The following ABL2 variants were observed in gnomAD, a reference collection of about 807,000 sequenced individuals.
ABL2 encodes ABL proto-oncogene 2, non-receptor tyrosine kinase, also known as tyrosine-protein kinase ABL2.
ABL2 carries 49 observed loss-of-function variants against 107.7 expected under a neutral mutation model. The observed-to-expected ratio is 0.45, with a 90% CI of 0.36 to 0.58. ABL2 has a LOEUF of 0.58. ABL2 is among the 20% of genes least tolerant of loss of function. ABL2 has a pLI of 0.00. For missense variants in ABL2, 1,245 were observed against 1,457.0 expected, an observed-to-expected ratio of 0.85 and a Z score of 2.37; for synonymous variants, 549 against 548.6, an observed-to-expected ratio of 1.00 and a Z score of -0.01.
chr1:179,138,621 T>C (rs1557946599), intron 1 of ABL2, among the ~76,000 whole-genome samples: 3 of 152,154 alleles, frequency 2.0e-5, no homozygotes, highest in South Asian at 4.1e-4. Flanking sequence ...TCTTTTCAAA[T>C]GTTGAGGCCA....
intron 5 of ABL2, among the ~76,000 whole-genome samples, chr1:179,121,008 A>G (rs1655139257): frequency 1.4e-5 from 1 of 71,226 alleles, no homozygotes. Context: ...CTTAAGAAAC[A>G]GAACTGACTA....
At chr1:179,221,793 CAAAA>C (rs34844213) in intron 1 of ABL2, 76 of 188,976 alleles carry the variant, frequency 4.0e-4, no homozygotes, top group African/African-American at 7.0e-4. Flanking sequence ...AGGATTTTAC[CAAAA>C]AAAAAAAAAA....
chr1:179,169,276 C>T (rs1557970959), intron 1 of ABL2, among the ~76,000 whole-genome samples: 1 of 152,188 alleles, frequency 6.6e-6, no homozygotes, highest in Non-Finnish European at 1.5e-5. Flanking sequence ...TGGCCGGGTG[C>T]GGTGGCTCAC....
At chr1:179,130,651 A>C (rs28914524) in intron 3 of ABL2, among the ~76,000 whole-genome samples, 2,173 of 152,058 alleles carry the variant, frequency 0.014, 78 homozygotes, top group African/African-American at 0.05. Context: ...AGAGAGTGGT[A>C]GTTTATTTCC....
chr1:179,213,681 AAT>A (rs1352719366), intron 1 of ABL2, among the ~76,000 whole-genome samples: 2 of 152,148 alleles, frequency 1.3e-5, no homozygotes, highest in African/African-American at 4.8e-5. Flanking sequence ...CAACAGTACC[AAT>A]ATAGGGAGGA....
intron 9 of ABL2, among the ~76,000 whole-genome samples, chr1:179,113,175 A>T (rs953767106): frequency 2.6e-5 from 4 of 152,208 alleles, no homozygotes; most frequent in Middle Eastern, 3.4e-3. Flanking sequence ...CGGCCTCCCA[A>T]ACTGCTAGAA....
chr1:179,131,443 G>T lies in ABL2; in HGVS notation c.259C>A (p.Gln87Lys), dbSNP rs1308100649. ...CACCTGATAGCCTCATTTAGTGCCT[G>T]GGGTTCAACATCACAACCATAGGGA... Reference protein sequence around the residue: ...HRPYGCDVEPQALNEAIRWSS... With the variant: ...HRPYGCDVEPKALNEAIRWSS... Residue 87 changes from glutamine to lysine, a missense_variant, in exon 3 of 12, where the codon CAG becomes AAG. Physicochemically the swap from Gln to Lys is moderately conservative, Grantham distance 53. Transcript: ENST00000502732. 2 of 1,613,932 alleles carry T rather than the reference G, an allele frequency of 1.2e-6. No individual in the cohort carries two copies. The highest frequency in any genetic ancestry group is 1.7e-6 in the Non-Finnish European group (2 of 1,179,960).
In ABL2 at chr1:179,101,521, G is replaced by C. The variant is rs1653090222; in HGVS notation, c.*6197C>G. The C allele has an allele frequency of 2.9e-5, 5 of 174,458 alleles. No homozygotes were observed. Among genetic ancestry groups the C allele is most frequent in the Non-Finnish European group, 6.2e-5 (5 of 80,950 alleles). The allele number at this position is 174,458 out of a possible 1,614,324, so 10.8% of individuals were successfully genotyped here. On this transcript the variant is annotated 3_prime_UTR_variant, in exon 12 of 12. Coordinates refer to ENST00000502732, the MANE Select transcript of ABL2 (RefSeq NM_007314.4). ...CGGGAGTAGCTGGGATTACAGGCAT[G>C]TACTACGCCCGGCTAATTTTTATAT...
Position 179,108,468 on chromosome 1 carries a change from G to C in ABL2, c.2799C>G (p.Val933=). ...LPTTHNHKVP[V]LISPTLKHTP... ...TGTGTTTCAGAGTGGGTGAGATAAG[G>C]ACTGGCACTTTGTGGTTGTGAGTGG... Residue 933 remains valine (V), a synonymous_variant, in exon 12 of 12, where the codon GTC becomes GTG. Coordinates refer to ENST00000502732, the MANE Select transcript of ABL2 (RefSeq NM_007314.4). The C allele has an allele frequency of 6.2e-7, 1 of 1,614,244 alleles. No individual in the cohort carries two copies.
At chr1:179,147,876 C>CTT (rs1157156385) in intron 1 of ABL2, among the ~76,000 whole-genome samples, 2 of 152,134 alleles carry the variant, frequency 1.3e-5, no homozygotes, top group Non-Finnish European at 2.9e-5. Context: ...GAGACCTCAG[C>CTT]TTTTGCAAGA....
intron 1 of ABL2, among the ~76,000 whole-genome samples, chr1:179,165,065 C>T (rs553728844): frequency 6.6e-6 from 1 of 152,254 alleles, no homozygotes; most frequent in African/African-American, 2.4e-5. Context: ...GCTGTACTCA[C>T]CCTTCTTCCA....
intron 1 of ABL2, among the ~76,000 whole-genome samples, chr1:179,207,994 G>A (rs1001627279): frequency 1.3e-4 from 20 of 151,786 alleles, no homozygotes; most frequent in African/African-American, 4.4e-4. Context: ...TATTTTCCTG[G>A]TAATAGCAGT....
In ABL2 at chr1:179,107,423, G is replaced by T. The variant is rs1653540487; in HGVS notation, c.*295C>A. 1 of 384,076 alleles carries T rather than the reference G, an allele frequency of 2.6e-6. No homozygotes were observed. Among genetic ancestry groups the T allele is most frequent in the East Asian group, 4.5e-5 (1 of 22,250 alleles). The allele number at this position is 384,076 out of a possible 1,614,324, so 23.8% of individuals were successfully genotyped here. A position where few individuals can be genotyped will look rare whatever the true frequency, so the allele number is the denominator to read the frequency against. ...AGCACTTCCCAGCATTCCAGGTAGG[G>T]ATGGGCTGCATTGCCTTCCTTATGA... On this transcript the variant is annotated 3_prime_UTR_variant, in exon 12 of 12. Coordinates refer to ENST00000502732, the MANE Select transcript of ABL2 (RefSeq NM_007314.4).
chr1:179,110,719 C>A, intron 10 of ABL2: 1 of 1,607,496 alleles, frequency 6.2e-7, no homozygotes. Context: ...TCCACCTGTT[C>A]TCCTCTTGAT....
At chr1:179,146,272 G>A (rs114201460) in intron 1 of ABL2, among the ~76,000 whole-genome samples, 3 of 152,260 alleles carry the variant, frequency 2.0e-5, no homozygotes, top group East Asian at 1.9e-4. Context: ...AGAACTTAAC[G>A]ATATGGTTTG....
In ABL2 at chr1:179,229,637, G is replaced by GCCGCCA. The variant is rs1663448045; in HGVS notation, c.-241_-240insTGGCGG. 2.1e-6 allele frequency: 1 copy of GCCGCCA among 485,906 alleles called. No individual in the cohort carries two copies. The highest frequency in any genetic ancestry group is 3.6e-6 in the Non-Finnish European group (1 of 280,974). The allele number at this position is 485,906 out of a possible 1,614,324, so 30.1% of individuals were successfully genotyped here. A position where few individuals can be genotyped will look rare whatever the true frequency, so the allele number is the denominator to read the frequency against. ...GTCGCGGCTCCGCGCCCCCAACGCC[G>GCCGCCA]CCGCCGCCGCCGCCGCCACCGCCGC... On this transcript the variant is annotated 5_prime_UTR_variant, in exon 1 of 12. Coordinates refer to ENST00000502732, the MANE Select transcript of ABL2 (RefSeq NM_007314.4).
At position 179,108,993 on chromosome 1, in the gene ABL2, T is replaced by C. The variant is rs202245355; in HGVS notation, c.2274A>G (p.Lys758=). 20 of 1,614,042 alleles carry C rather than the reference T, an allele frequency of 1.2e-5. No homozygotes were observed. Among genetic ancestry groups the C allele is most frequent in the Non-Finnish European group, 8.5e-7 (1 of 1,180,020 alleles). The stretch of plus-strand genomic sequence containing the variant: ...TACCTGCTCGTAAGCCCAGTGTCTT[T>C]TTGATTAAGCGTGGTGTAAAGAAGC... ...ITGFFTPRLI[K]KTLGLRAGKP... is the part of the protein sequence containing the mutation. Residue 758 remains lysine, a synonymous_variant, in exon 12 of 12, where the codon AAA becomes AAG. Transcript: ENST00000502732.
Position 179,117,407 on chromosome 1 carries a change from C to T in ABL2, c.1333G>A (p.Ala445Thr), listed in dbSNP as rs372829123. 3.1e-6 allele frequency: 5 copies of T among 1,614,046 alleles called. No individual in the cohort carries two copies. Among genetic ancestry groups the T allele is most frequent in the Non-Finnish European group, 4.2e-6 (5 of 1,180,030 alleles). Reference protein sequence around the residue: ...TGDTYTAHAGAKFPIKWTAPE... With the variant: ...TGDTYTAHAGTKFPIKWTAPE... ...GCTGTCCACTTAATAGGAAATTTGG[C>T]TCCAGCATGAGCAGTATAAGTGTCT... Residue 445 changes from alanine (A) to threonine (T), a missense_variant, in exon 8 of 12, where the codon GCC becomes ACC. Coordinates refer to ENST00000502732, the MANE Select transcript of ABL2 (RefSeq NM_007314.4).
chr1:179,133,289 T>C, intron 2 of ABL2, 23 bp downstream of exon 2: 1 of 1,614,166 alleles, frequency 6.2e-7, no homozygotes, highest in Non-Finnish European at 8.5e-7. Flanking sequence ...AGTTCAAATC[T>C]GCAACATCTC....
Sources: allele counts gnomAD v4.1 joint callset (sites outside exome capture counted in the v4.1 genomes callset), GRCh38; gene constraint gnomAD v4.1.1; transcripts MANE v1.5; gene names NCBI Gene and HGNC (gene_info 2026-07-23, HGNC 2026-07-21).